Variants in CD200R1 observed in about 807,000 individuals in gnomAD.
CD200R1 encodes cell surface glycoprotein CD200 receptor 1.
In CD200R1, 30 loss-of-function variants were observed where a neutral mutation model predicts 38.1. That is an observed-to-expected ratio of 0.79 (90% CI 0.59 to 1.07). The LOEUF (loss-of-function observed/expected upper bound fraction) is 1.07. Ranked by LOEUF, CD200R1 falls within the 50% of genes least tolerant of loss-of-function variation. The pLI is 0.00. For synonymous variants in CD200R1, 128 were observed against 152.1 expected (o/e 0.84, Z 1.16); for missense variants, 372 against 415.4 (o/e 0.90, Z 0.91).
chr3:112,939,836 C>G (rs1189127351), intron 2 of CD200R1, among the ~76,000 whole-genome samples: 1 of 140,262 alleles, frequency 7.1e-6, no homozygotes, highest in South Asian at 2.4e-4. Context: ...CCCGAAACAG[C>G]CAAAGCCCAT....
At chr3:112,961,576 T>C (rs775139904) in intron 1 of CD200R1, among the ~76,000 whole-genome samples, 2 of 151,890 alleles carry the variant, frequency 1.3e-5, no homozygotes, top group African/African-American at 2.4e-5. Flanking sequence ...ACTGATGCAG[T>C]TTTTCACCTT....
intron 1 of CD200R1, among the ~76,000 whole-genome samples, chr3:112,967,796 C>G (rs1933204815): frequency 6.6e-6 from 1 of 152,232 alleles, no homozygotes; most frequent in South Asian, 2.1e-4. Context: ...CTCCCACACA[C>G]TTGCCCCATC....
chr3:112,955,796 T>C (rs1941085059), intron 1 of CD200R1, among the ~76,000 whole-genome samples: 1 of 152,020 alleles, frequency 6.6e-6, no homozygotes, highest in Non-Finnish European at 1.5e-5. Flanking sequence ...TTTCATTTTT[T>C]TTTTTTTTCA....
chr3:112,928,976 C>A lies in CD200R1; in HGVS notation c.609G>T (p.Trp203Cys). 6.2e-7 allele frequency: 1 copy of A among 1,613,942 alleles called. No individual in the cohort carries two copies. Among genetic ancestry groups the A allele is most frequent in the Non-Finnish European group, 8.5e-7 (1 of 1,179,988 alleles). ...TAGTGGCACAATCGCCCTCTGGGAT[C>A]CAGGAGATATGCGCAGCTGGCTTCC... ...VAGKPAAHISWIPEGDCATKQ... is the reference protein window; with the variant it reads ...VAGKPAAHISCIPEGDCATKQ... The change falls in exon 5 of 8, where the codon TGG becomes TGT. Residue 203 changes from tryptophan (W) to cysteine (C), a missense_variant. Coordinates refer to ENST00000308611, the MANE Select transcript of CD200R1 (RefSeq NM_138806.4).
Position 112,922,922 on chromosome 3 carries a change from A to G in CD200R1, c.*755T>C, listed in dbSNP as rs1261310563. The G allele has an allele frequency of 1.3e-5, 2 of 151,922 alleles. No homozygotes were observed. Among genetic ancestry groups the G allele is most frequent in the Non-Finnish European group, 2.9e-5 (2 of 67,886 alleles). 9.4% of individuals were successfully genotyped at this position (151,922 alleles called of 1,614,324 possible). Reference sequence around the variant, plus strand: ...AAATGCACAAACCCTTTGACCTGACAATTCCACTCAAGAAAGTTATCCTAC... The same window carrying G: ...AAATGCACAAACCCTTTGACCTGACGATTCCACTCAAGAAAGTTATCCTAC... On this transcript the variant is annotated 3_prime_UTR_variant, in exon 8 of 8. Coordinates refer to ENST00000308611, the MANE Select transcript of CD200R1 (RefSeq NM_138806.4).
At chr3:112,952,699 G>A (rs1213035765) in intron 1 of CD200R1, among the ~76,000 whole-genome samples, 1 of 152,094 alleles carries the variant, frequency 6.6e-6, no homozygotes, top group African/African-American at 2.4e-5. Context: ...TGACGAGTTA[G>A]TGGGTGCAGC....
chr3:112,943,627 C>G (rs1482152585), intron 2 of CD200R1, among the ~76,000 whole-genome samples: 1 of 151,192 alleles, frequency 6.6e-6, no homozygotes, highest in Non-Finnish European at 1.5e-5. Context: ...TAAATTAGAA[C>G]AGAAGACAAT....
At chr3:112,923,857 AT>A (rs1940224243) in intron 7 of CD200R1, 58 bp from the exon 8 acceptor site, 1 of 1,137,558 alleles carries the variant, frequency 8.8e-7, no homozygotes, top group African/African-American at 1.6e-5. Flanking sequence ...GACTATCTGT[AT>A]TTTTGTAACA....
intron 1 of CD200R1, among the ~76,000 whole-genome samples, chr3:112,950,293 T>C (rs1475166552): frequency 6.6e-6 from 1 of 151,904 alleles, no homozygotes; most frequent in Non-Finnish European, 1.5e-5. Context: ...TCCCAGCTAC[T>C]TGGGAGGCTG....
chr3:112,974,344 G>A (rs1361323113), intron 1 of CD200R1, among the ~76,000 whole-genome samples: 1 of 152,142 alleles, frequency 6.6e-6, no homozygotes, highest in Non-Finnish European at 1.5e-5. Flanking sequence ...GGCTGAGTGG[G>A]AGGACTGCTT....
In CD200R1 at chr3:112,921,633, C is replaced by T. The variant is rs1487304622; in HGVS notation, c.*2044G>A. The T allele has an allele frequency of 1.3e-5, 2 of 152,050 alleles. No individual in the cohort carries two copies. The highest frequency in any genetic ancestry group is 4.8e-5 in the African/African-American group (2 of 41,436). The allele number at this position is 152,050 out of a possible 1,614,324, so 9.4% of individuals were successfully genotyped here. ...TCTGCTTCCTGGATGACCTTGCTGA[C>T]ACGCCAGGTCTAATCTCTAGATTCT... On this transcript the variant is annotated 3_prime_UTR_variant, in exon 8 of 8. Coordinates refer to ENST00000308611, the MANE Select transcript of CD200R1 (RefSeq NM_138806.4).
intron 1 of CD200R1, among the ~76,000 whole-genome samples, chr3:112,962,848 G>A (rs1933057402): frequency 6.6e-6 from 1 of 152,136 alleles, no homozygotes. Context: ...AAACAGTGAA[G>A]AAAAGTAGGA....
chr3:112,973,925 AAG>A (rs1167790543), intron 1 of CD200R1, among the ~76,000 whole-genome samples: 1 of 152,158 alleles, frequency 6.6e-6, no homozygotes, highest in East Asian at 1.9e-4. Flanking sequence ...CTAGATGTTG[AAG>A]AGTCTGTTCT....
intron 1 of CD200R1, among the ~76,000 whole-genome samples, chr3:112,970,645 C>T (rs113591348): frequency 8.5e-4 from 126 of 148,272 alleles, no homozygotes; most frequent in African/African-American, 3.0e-3. Context: ...ATTTTTCAGA[C>T]ACAACATAAA....
intron 1 of CD200R1, among the ~76,000 whole-genome samples, chr3:112,960,578 A>G (rs1355830202): frequency 6.6e-6 from 1 of 152,080 alleles, no homozygotes; most frequent in Non-Finnish European, 1.5e-5. Flanking sequence ...TATACACAGT[A>G]TGATTCCGTT....
intron 1 of CD200R1, among the ~76,000 whole-genome samples, chr3:112,967,340 G>A (rs1324991517): frequency 6.6e-6 from 1 of 151,388 alleles, no homozygotes; most frequent in Non-Finnish European, 1.5e-5. Context: ...GACCTGCCTG[G>A]AATGTTTATC....
At position 112,947,839 on chromosome 3, in the gene CD200R1, T is replaced by A; in HGVS notation, c.136+17A>T. ...AGCACTCCCCTACTAGAATTATTGTTAAAAGATGCACATTACCTAAAGCAT... is the reference window on the plus strand; with the variant it reads ...AGCACTCCCCTACTAGAATTATTGTAAAAAGATGCACATTACCTAAAGCAT... On this transcript the variant is annotated intron_variant, in intron 2 of 7. Transcript: ENST00000308611. 6.3e-7 allele frequency: 1 copy of A among 1,579,936 alleles called. No individual in the cohort carries two copies. Among genetic ancestry groups the A allele is most frequent in the Non-Finnish European group, 8.7e-7 (1 of 1,148,960 alleles).
chr3:112,932,407 G>C (rs2107307872), intron 2 of CD200R1, among the ~76,000 whole-genome samples: 1 of 152,172 alleles, frequency 6.6e-6, no homozygotes, highest in Admixed American at 6.5e-5. Flanking sequence ...CCAAACCACT[G>C]CATGCCCTCT....
At chr3:112,966,292 A>G (rs1933159560) in intron 1 of CD200R1, among the ~76,000 whole-genome samples, 2 of 152,232 alleles carry the variant, frequency 1.3e-5, no homozygotes, top group Non-Finnish European at 2.9e-5. Context: ...TATACACTGG[A>G]AAAGTCTGAT....
Sources: gnomAD v4.1 joint callset for allele counts (sites outside exome capture counted in the v4.1 genomes callset) on GRCh38, gnomAD v4.1.1 for gene constraint, MANE v1.5 for transcripts, NCBI Gene and HGNC (gene_info 2026-07-23, HGNC 2026-07-21) for gene names.